MAJIN: variants seen among roughly 807,000 people sequenced by gnomAD.
MAJIN encodes membrane-anchored junction protein.
In MAJIN, 27 loss-of-function variants were observed where a neutral mutation model predicts 30.2. That is an observed-to-expected ratio of 0.89 (90% CI 0.66 to 1.23). MAJIN has a LOEUF of 1.23. Among genes scored for constraint, MAJIN ranks in the 50% most tolerant of loss-of-function variants. The pLI, the probability that MAJIN is intolerant of heterozygous loss-of-function variation, is 0.00. For synonymous variants in MAJIN, 78 were observed against 91.6 expected, an observed-to-expected ratio of 0.85 and a Z score of 0.85; for missense variants, 253 against 260.3, an observed-to-expected ratio of 0.97 and a Z score of 0.19.
At chr11:64,948,600 A>ATCAT (rs1457728754) in intron 6 of MAJIN, among the ~76,000 whole-genome samples, 2,848 of 23,982 alleles carry the variant, frequency 0.12, 612 homozygotes, top group Non-Finnish European at 0.19. Flanking sequence ...GTCGGGCTAC[A>ATCAT]TCATATATAT....
chr11:64,949,643 T>C, intron 6 of MAJIN, 100 bp downstream of exon 6: 1 of 1,471,424 alleles, frequency 6.8e-7, no homozygotes, highest in Non-Finnish European at 9.3e-7. Flanking sequence ...CTGTGCACTG[T>C]ATGGCTGGAG....
rs138095675 is a variant in MAJIN at position 64,947,323 on chromosome 11, G to A, written c.473+51C>T. ...CAGGATCAACCAACAGTAATAGCTG[G>A]CAAAGCCTAACTAGGACGCAGGAGC... On this transcript the variant is annotated intron_variant, in intron 8 of 10. Coordinates refer to ENST00000301896, the MANE Select transcript of MAJIN (RefSeq NM_001037225.3). The A allele has an allele frequency of 3.2e-3, 4,835 of 1,496,074 alleles. 23 individuals carry two copies. The highest frequency in any genetic ancestry group is 0.013 in the South Asian group (1,090 of 82,054). The allele number at this position is 1,496,074 out of a possible 1,614,324, so 92.7% of individuals were successfully genotyped here.
intron 4 of MAJIN, 89 bp from the exon 5 acceptor site, chr11:64,950,519 C>A: frequency 9.0e-7 from 1 of 1,105,862 alleles, no homozygotes; most frequent in South Asian, 1.4e-5. Context: ...ATACCCTATA[C>A]ACTATCAAAA....
intron 8 of MAJIN, among the ~76,000 whole-genome samples, chr11:64,943,409 T>G (rs1207257363): frequency 6.6e-6 from 1 of 152,210 alleles, no homozygotes; most frequent in Non-Finnish European, 1.5e-5. Flanking sequence ...TTCTAAGCTT[T>G]CGCCACACAG....
chr11:64,946,165 G>A (rs757990750), intron 8 of MAJIN: 1 of 1,533,108 alleles, frequency 6.5e-7, no homozygotes, highest in South Asian at 1.2e-5. Flanking sequence ...TGAGGTGGGG[G>A]GAAAATATGC....
rs1236175336 is a variant in MAJIN at position 64,955,323 on chromosome 11, A to G, written c.102-521T>C. On this transcript the variant is annotated intron_variant, in intron 3 of 10. Coordinates refer to ENST00000301896, the MANE Select transcript of MAJIN (RefSeq NM_001037225.3). The stretch of plus-strand genomic sequence containing the variant: ...TCACTGAATATCCTTGAGGAAGCAG[A>G]AAAAAAAAGCAATCATTTTATAAAA... Among the ~76,000 whole-genome samples the G allele has an allele frequency of 8.3e-5, 3 of 36,146 alleles. No homozygotes were observed. In the East Asian group the frequency reaches 8.5e-4, roughly 10 times the overall value. 23.7% of individuals were successfully genotyped at this position (36,146 alleles called of 152,430 possible). A position where few individuals can be genotyped will look rare whatever the true frequency, so the allele number is the denominator to read the frequency against.
chr11:64,959,229 A>T (rs602404), intron 3 of MAJIN, 76 bp downstream of exon 3: 14 of 1,198,830 alleles, frequency 1.2e-5, no homozygotes, highest in Non-Finnish European at 1.7e-5. Flanking sequence ...GGTGAAGGTA[A>T]AGAAGAGGTG....
chr11:64,956,306 A>G (rs1156536335), intron 3 of MAJIN, among the ~76,000 whole-genome samples: 1 of 151,512 alleles, frequency 6.6e-6, no homozygotes, highest in East Asian at 1.9e-4. Flanking sequence ...TCTCAAATAA[A>G]TAAATAAATA....
chr11:64,956,763 GTTTTTTTTTT>G (rs398016405), intron 3 of MAJIN, among the ~76,000 whole-genome samples: 1 of 102,506 alleles, frequency 9.8e-6, no homozygotes, highest in Non-Finnish European at 1.9e-5. Context: ...CATATAAGCT[GTTTTTTTTTT>G]TTTTTTTTTT....
intron 1 of MAJIN, among the ~76,000 whole-genome samples, chr11:64,965,016 G>A (rs889197204): frequency 1.3e-5 from 2 of 152,178 alleles, no homozygotes; most frequent in Non-Finnish European, 2.9e-5. Context: ...AGGATGATTA[G>A]TGAAATAATG....
intron 4 of MAJIN, among the ~76,000 whole-genome samples, chr11:64,952,034 C>T (rs1945560100): frequency 6.6e-6 from 1 of 151,966 alleles, no homozygotes; most frequent in South Asian, 2.1e-4. Flanking sequence ...ATTATAGGCA[C>T]ACACCACCAC....
At position 64,954,810 on chromosome 11, in the gene MAJIN, G is replaced by C. The variant is rs773681824; in HGVS notation, c.102-8C>G. ...TTTTCTATCTCTTCTCCTCTAGAAGGTAAACAGACAAGAGACAAGTAAGAC... is the reference window on the plus strand; with the variant it reads ...TTTTCTATCTCTTCTCCTCTAGAAGCTAAACAGACAAGAGACAAGTAAGAC... On this transcript the variant is annotated splice_polypyrimidine_tract_variant and splice_region_variant and intron_variant, in intron 3 of 10. Coordinates refer to ENST00000301896, the MANE Select transcript of MAJIN (RefSeq NM_001037225.3). 6.2e-7 allele frequency: 1 copy of C among 1,605,436 alleles called. No homozygotes were observed.
At chr11:64,952,254 C>G (rs1348336372) in intron 4 of MAJIN, among the ~76,000 whole-genome samples, 2 of 151,964 alleles carry the variant, frequency 1.3e-5, no homozygotes, top group Non-Finnish European at 2.9e-5. Context: ...ATGGCTTGGT[C>G]TCCGCTCACT....
chr11:64,964,759 G>T (rs981572398), intron 1 of MAJIN, among the ~76,000 whole-genome samples: 2 of 151,804 alleles, frequency 1.3e-5, no homozygotes, highest in Non-Finnish European at 2.9e-5. Context: ...GCTAATTTTT[G>T]TATTTTCTGT....
At chr11:64,943,222 C>T (rs888698614) in intron 8 of MAJIN, among the ~76,000 whole-genome samples, 14 of 152,156 alleles carry the variant, frequency 9.2e-5, no homozygotes, top group African/African-American at 2.2e-4. Context: ...CAACAAAATG[C>T]GACGTGCAGT....
intron 1 of MAJIN, among the ~76,000 whole-genome samples, chr11:64,963,170 T>C (rs1239794394): frequency 6.6e-6 from 1 of 152,098 alleles, no homozygotes; most frequent in African/African-American, 2.4e-5. Context: ...AGCACTACTT[T>C]CCAGGAAATC....
chr11:64,965,500 A>T (rs545616459), intron 1 of MAJIN, among the ~76,000 whole-genome samples: 1 of 152,268 alleles, frequency 6.6e-6, no homozygotes, highest in African/African-American at 2.4e-5. Context: ...ACAAAAATGC[A>T]TCTTCCCCTT....
chr11:64,940,428 A>C, intron 9 of MAJIN, 146 bp downstream of exon 9: 1 of 739,446 alleles, frequency 1.4e-6, no homozygotes, highest in Non-Finnish European at 2.3e-6. Context: ...AGACCAGAGG[A>C]TGGCTAACAA....
intron 3 of MAJIN, among the ~76,000 whole-genome samples, chr11:64,958,035 G>A (rs1010025178): frequency 2.0e-5 from 3 of 151,530 alleles, no homozygotes; most frequent in Non-Finnish European, 4.4e-5. Flanking sequence ...TCCGTCTCCC[G>A]AGTTCAAGCA....
Sources: allele counts gnomAD v4.1 joint callset (sites outside exome capture counted in the v4.1 genomes callset), GRCh38; gene constraint gnomAD v4.1.1; transcripts MANE v1.5; gene names NCBI Gene and HGNC (gene_info 2026-07-23, HGNC 2026-07-21).